IL23R: variants seen among roughly 807,000 people sequenced by gnomAD.
The protein encoded by IL23R is interleukin-23 receptor.
A neutral mutation model predicts 56.9 loss-of-function variants in IL23R; 34 were observed. The ratio of observed to expected loss-of-function variants is 0.60; its 90% CI spans 0.45 to 0.80. The LOEUF (loss-of-function observed/expected upper bound fraction) is 0.80, where lower values mean the gene tolerates loss of function less well. IL23R is among the 30% of genes least tolerant of loss of function. The pLI, the probability that IL23R is intolerant of heterozygous loss-of-function variation, is 0.00. For missense variants in IL23R, 635 were observed against 730.0 expected, an observed-to-expected ratio of 0.87 and a Z score of 1.50; for synonymous variants, 230 against 249.2, an observed-to-expected ratio of 0.92 and a Z score of 0.73.
At chr1:67,230,477 C>A (rs560633801) in intron 7 of IL23R, among the ~76,000 whole-genome samples, 37 of 152,216 alleles carry the variant, frequency 2.4e-4, no homozygotes, top group African/African-American at 7.7e-4. Flanking sequence ...GACATCAGAC[C>A]TTCTCTGTAT....
chr1:67,140,375 G>A (rs1646625552), intron 1 of IL23R, among the ~76,000 whole-genome samples: 1 of 151,932 alleles, frequency 6.6e-6, no homozygotes, highest in Admixed American at 6.6e-5. Flanking sequence ...AATCACTAAG[G>A]ACAAACACCA....
intron 5 of IL23R, among the ~76,000 whole-genome samples, chr1:67,204,838 G>T (rs927889689): frequency 1.4e-4 from 21 of 151,722 alleles, no homozygotes; most frequent in African/African-American, 5.1e-4. Flanking sequence ...GAGTGCAGTG[G>T]CATGATCTCA....
In IL23R at chr1:67,255,874, C is replaced by G. The variant is rs1463672176; in HGVS notation, c.1186C>G (p.Leu396Val). The change falls in exon 10 of 11, where the codon CTT becomes GTT. Residue 396 changes from leucine (L) to valine (V), a missense_variant. Leu to Val is a conservative substitution (Grantham distance 32). Coordinates refer to ENST00000347310, the MANE Select transcript of IL23R (RefSeq NM_144701.3). Reference protein sequence around the residue: ...RRILLLIPKWLYEDIPNMKNS... With the variant: ...RRILLLIPKWVYEDIPNMKNS... ...GATCTTATTGTTAATACCAAAGTGG[C>G]TTTATGAAGATATTCCTAATATGAA... 6.3e-7 allele frequency: 1 copy of G among 1,599,432 alleles called. No individual in the cohort carries two copies.
intron 8 of IL23R, among the ~76,000 whole-genome samples, chr1:67,237,576 C>A (rs1651567479): frequency 6.6e-6 from 1 of 152,168 alleles, no homozygotes; most frequent in African/African-American, 2.4e-5. Flanking sequence ...AAATCCTTTT[C>A]TTTCAATGTC....
At chr1:67,237,613 C>A (rs889528922) in intron 8 of IL23R, among the ~76,000 whole-genome samples, 2 of 152,154 alleles carry the variant, frequency 1.3e-5, no homozygotes, top group Admixed American at 6.5e-5. Context: ...TTCTTTTATA[C>A]AAACCAGCTC....
At position 67,200,823 on chromosome 1, in the gene IL23R, T is replaced by C. The variant is rs1558240308; in HGVS notation, c.578T>C (p.Leu193Ser). 1 of 1,614,142 alleles carries C rather than the reference T, an allele frequency of 6.2e-7. No homozygotes were observed. Among genetic ancestry groups the C allele is most frequent in the Non-Finnish European group, 8.5e-7 (1 of 1,180,026 alleles). Residue 193 changes from leucine (L) to serine (S), a missense_variant, in exon 5 of 11, where the codon TTG becomes TCG. Physicochemically the swap from Leu to Ser is moderately radical, Grantham distance 145 (BLOSUM62 -2). Transcript: ENST00000347310. ...TCATTACAAGGTGGCAAGAAGTACT[T>C]GGTTTGGGTCCAAGCAGCAAACGCA... ...TDSLQGGKKY[L>S]VWVQAANALG...
At chr1:67,246,675 G>A (rs1196359535) in intron 9 of IL23R, among the ~76,000 whole-genome samples, 2 of 152,184 alleles carry the variant, frequency 1.3e-5, no homozygotes, top group African/African-American at 2.4e-5. Context: ...TGGTCTGAGA[G>A]ACAGTTTGTT....
chr1:67,138,832 A>T (rs1288284026), upstream of IL23R: 4 of 152,330 alleles, frequency 2.6e-5, no homozygotes, highest in Non-Finnish European at 4.4e-5. Flanking sequence ...AAGGATGGAG[A>T]AAGTTATCTA....
intron 9 of IL23R, among the ~76,000 whole-genome samples, chr1:67,246,751 G>C (rs551771777): frequency 6.6e-6 from 1 of 152,204 alleles, no homozygotes; most frequent in African/African-American, 2.4e-5. Flanking sequence ...CAATTTTAGA[G>C]TATGTGTGAT....
upstream of IL23R, among the ~76,000 whole-genome samples, chr1:67,164,969 A>C (rs75755150): frequency 0.01 from 1,579 of 152,310 alleles, 36 homozygotes; most frequent in African/African-American, 0.036. Context: ...GGACTTTGGG[A>C]TGCCAAGACT....
intron 1 of IL23R, among the ~76,000 whole-genome samples, chr1:67,154,044 A>G (rs778655915): frequency 2.6e-5 from 4 of 152,250 alleles, no homozygotes; most frequent in Non-Finnish European, 4.4e-5. Flanking sequence ...CTGGGATTAC[A>G]GGCGTGAGCC....
At chr1:67,151,462 C>T (rs1397983531) in intron 1 of IL23R, among the ~76,000 whole-genome samples, 1 of 152,132 alleles carries the variant, frequency 6.6e-6, no homozygotes, top group Non-Finnish European at 1.5e-5. Context: ...AATTAGATCC[C>T]ATTTGTCAAT....
intron 9 of IL23R, among the ~76,000 whole-genome samples, chr1:67,250,273 C>T (rs148850427): frequency 7.9e-5 from 12 of 152,298 alleles, no homozygotes; most frequent in Admixed American, 3.9e-4. Flanking sequence ...ATGACTTATG[C>T]AGACCATCTA....
intron 9 of IL23R, among the ~76,000 whole-genome samples, chr1:67,244,799 T>C (rs1379641324): frequency 6.6e-6 from 1 of 152,218 alleles, no homozygotes; most frequent in East Asian, 1.9e-4. Context: ...ATGTGGGCTC[T>C]TTTTTGATTC....
At chr1:67,224,968 A>G (rs934698898) in intron 7 of IL23R, among the ~76,000 whole-genome samples, 1 of 152,212 alleles carries the variant, frequency 6.6e-6, no homozygotes. Context: ...AGATGAAACC[A>G]TATGGCCCAA....
intron 3 of IL23R, among the ~76,000 whole-genome samples, chr1:67,177,067 A>G (rs920598765): frequency 1.3e-5 from 2 of 152,162 alleles, no homozygotes; most frequent in African/African-American, 2.4e-5. Context: ...GAATAGTGCC[A>G]CAATAAACAT....
intron 1 of IL23R, among the ~76,000 whole-genome samples, chr1:67,144,712 C>A (rs922133376): frequency 5.5e-4 from 84 of 151,892 alleles, no homozygotes; most frequent in African/African-American, 1.9e-3. Context: ...CTCTTTTTTT[C>A]TTCTAGCTTC....
chr1:67,241,489 A>T (rs1208793307), intron 9 of IL23R, among the ~76,000 whole-genome samples: 2 of 150,446 alleles, frequency 1.3e-5, no homozygotes, highest in Non-Finnish European at 1.5e-5. Flanking sequence ...ATTTCGTTTT[A>T]AAAAAAAAAT....
chr1:67,201,248 CA>C (rs946825257), intron 5 of IL23R, among the ~76,000 whole-genome samples: 6 of 146,890 alleles, frequency 4.1e-5, no homozygotes, highest in Non-Finnish European at 4.5e-5. Flanking sequence ...ACTAAAAGTA[CA>C]AAAAAAAAAT....
Sources: allele counts gnomAD v4.1 joint callset (sites outside exome capture counted in the v4.1 genomes callset), GRCh38; gene constraint gnomAD v4.1.1; transcripts MANE v1.5; gene names NCBI Gene and HGNC (gene_info 2026-07-23, HGNC 2026-07-21).